EFCAB11: variants seen among roughly 807,000 people sequenced by gnomAD.
EFCAB11 encodes EF-hand calcium binding domain 11.
Under a neutral mutation model 23.0 loss-of-function variants are expected in EFCAB11, and 14 were observed. That is an observed-to-expected ratio of 0.61 (90% CI 0.40 to 0.95). EFCAB11 has a LOEUF of 0.95. Ranked by LOEUF, EFCAB11 falls within the 40% of genes least tolerant of loss-of-function variation. The pLI, the probability that EFCAB11 is intolerant of heterozygous loss-of-function variation, is 0.00. For missense variants in EFCAB11, 198 were observed against 195.8 expected (o/e 1.01, Z -0.07); for synonymous variants, 65 against 66.6 (o/e 0.98, Z 0.11).
chr14:89,848,368 A>G (rs1322870843), intron 5 of EFCAB11: 2 of 152,138 alleles, frequency 1.3e-5, no homozygotes, highest in African/African-American at 4.8e-5. Flanking sequence ...TCACTCAGCT[A>G]CATCTAGTGG....
intron 5 of EFCAB11, among the ~76,000 whole-genome samples, chr14:89,847,238 T>A (rs535785156): frequency 6.6e-6 from 1 of 152,346 alleles, no homozygotes; most frequent in South Asian, 2.1e-4. Flanking sequence ...AAACTGCTAA[T>A]CATCCCCTCT....
At chr14:89,861,630 C>T (rs1887924760) in intron 5 of EFCAB11, among the ~76,000 whole-genome samples, 1 of 152,134 alleles carries the variant, frequency 6.6e-6, no homozygotes, top group South Asian at 2.1e-4. Context: ...GAAACTTAAT[C>T]CCCAAATTTA....
chr14:89,926,513 A>G (rs150235227), intron 5 of EFCAB11, among the ~76,000 whole-genome samples: 43 of 152,362 alleles, frequency 2.8e-4, no homozygotes, highest in Middle Eastern at 6.8e-3. Flanking sequence ...AAAGAAATGT[A>G]AGAGAAAAGT....
intron 5 of EFCAB11, among the ~76,000 whole-genome samples, chr14:89,859,072 A>G (rs1887842195): frequency 6.6e-6 from 1 of 152,198 alleles, no homozygotes; most frequent in African/African-American, 2.4e-5. Context: ...ATGAAAGCAA[A>G]TATCTTATCA....
At chr14:89,844,417 T>G (rs529701270) in intron 5 of EFCAB11, among the ~76,000 whole-genome samples, 56 of 152,356 alleles carry the variant, frequency 3.7e-4, no homozygotes, top group Non-Finnish European at 7.5e-4. Flanking sequence ...CCATTGCCTT[T>G]GCACCATCAA....
chr14:89,843,239 C>T (rs1311973036), intron 5 of EFCAB11, among the ~76,000 whole-genome samples: 1 of 152,024 alleles, frequency 6.6e-6, no homozygotes, highest in East Asian at 1.9e-4. Flanking sequence ...GTTATGTCAA[C>T]AATATTTACT....
intron 5 of EFCAB11, among the ~76,000 whole-genome samples, chr14:89,822,929 T>C (rs956941689): frequency 6.6e-6 from 1 of 152,142 alleles, no homozygotes; most frequent in Admixed American, 6.5e-5. Flanking sequence ...CCAGAATACA[T>C]CGCAATACTC....
At chr14:89,924,549 A>C in intron 5 of EFCAB11, 1 of 1,517,730 alleles carries the variant, frequency 6.6e-7, no homozygotes, top group Non-Finnish European at 8.8e-7. Context: ...TGGAGAAGTA[A>C]ACATATCCAT....
chr14:89,834,204 G>A (rs968799813), intron 5 of EFCAB11, among the ~76,000 whole-genome samples: 8 of 148,886 alleles, frequency 5.4e-5, no homozygotes, highest in Non-Finnish European at 7.6e-5. Flanking sequence ...GTGAAACTCC[G>A]TCTCTACTAA....
chr14:89,924,692 A>G, intron 5 of EFCAB11: 1 of 1,535,686 alleles, frequency 6.5e-7, no homozygotes, highest in Non-Finnish European at 8.7e-7. Context: ...AATAAAGCAA[A>G]AAGAGACCAC....
At chr14:89,868,594 G>T (rs1372225365) in intron 5 of EFCAB11, among the ~76,000 whole-genome samples, 1 of 152,216 alleles carries the variant, frequency 6.6e-6, no homozygotes, top group Non-Finnish European at 1.5e-5. Context: ...TGTCTTCAGG[G>T]ATGTGGCCAG....
At chr14:89,828,710 G>C (rs1043606697) in intron 5 of EFCAB11, among the ~76,000 whole-genome samples, 3 of 152,138 alleles carry the variant, frequency 2.0e-5, no homozygotes, top group South Asian at 2.1e-4. Context: ...GGATTAAATA[G>C]CTTATGAAGC....
intron 5 of EFCAB11, among the ~76,000 whole-genome samples, chr14:89,876,468 T>C (rs1020536785): frequency 3.3e-4 from 51 of 152,252 alleles, no homozygotes; most frequent in Non-Finnish European, 5.9e-4. Flanking sequence ...GTGCACATGA[T>C]TATATATGTA....
At chr14:89,913,781 A>AT (rs560179528) in intron 5 of EFCAB11, among the ~76,000 whole-genome samples, 2 of 152,148 alleles carry the variant, frequency 1.3e-5, no homozygotes, top group East Asian at 1.9e-4. Context: ...CAAAGTTAAA[A>AT]TTTTTTTTAC....
At chr14:89,937,687 G>A (rs908694866) in intron 3 of EFCAB11, among the ~76,000 whole-genome samples, 4 of 151,950 alleles carry the variant, frequency 2.6e-5, no homozygotes, top group African/African-American at 4.8e-5. Context: ...CATCACACCC[G>A]GCTAATTTTT....
chr14:89,875,437 T>C (rs1261538206), intron 5 of EFCAB11, among the ~76,000 whole-genome samples: 1 of 152,130 alleles, frequency 6.6e-6, no homozygotes, highest in East Asian at 1.9e-4. Flanking sequence ...TGAGGTACTT[T>C]GTTACAGCCA....
rs1002703505 is a variant in EFCAB11 at position 89,878,421 on chromosome 14, C to T, written c.410+53120G>A. Among the ~76,000 whole-genome samples the T allele has an allele frequency of 2.0e-5, 3 of 151,754 alleles. No homozygotes were observed. In the South Asian group the frequency reaches 6.2e-4, roughly 31 times the overall value. Reference sequence around the variant, plus strand: ...ACTTTACAAACAGGTCAGATGCTACCCACTATTTAAATATTTACAATAAAG... The same window carrying T: ...ACTTTACAAACAGGTCAGATGCTACTCACTATTTAAATATTTACAATAAAG... On this transcript the variant is annotated intron_variant, in intron 5 of 5. Coordinates refer to ENST00000316738, the MANE Select transcript of EFCAB11 (RefSeq NM_145231.4).
At chr14:89,800,338 C>T (rs1885736231) in intron 5 of EFCAB11, among the ~76,000 whole-genome samples, 1 of 152,164 alleles carries the variant, frequency 6.6e-6, no homozygotes, top group Non-Finnish European at 1.5e-5. Flanking sequence ...GAGGAGACCA[C>T]ATGAGAGACA....
chr14:89,858,643 C>T (rs1434902324), intron 5 of EFCAB11, among the ~76,000 whole-genome samples: 1 of 150,704 alleles, frequency 6.6e-6, no homozygotes, highest in Admixed American at 6.7e-5. Context: ...GTGTGCATCA[C>T]CACACCCAGC....
Sources: allele counts gnomAD v4.1 joint callset (sites outside exome capture counted in the v4.1 genomes callset), GRCh38; gene constraint gnomAD v4.1.1; transcripts MANE v1.5; gene names NCBI Gene and HGNC (gene_info 2026-07-23, HGNC 2026-07-21).